The following HUNK variants were observed in gnomAD, a reference collection of about 807,000 sequenced individuals.
The protein encoded by HUNK is hormonally up-regulated neu tumor-associated kinase.
Under a neutral mutation model 61.0 loss-of-function variants are expected in HUNK, and 21 were observed. The ratio of observed to expected loss-of-function variants is 0.34; its 90% CI spans 0.24 to 0.50. The LOEUF (loss-of-function observed/expected upper bound fraction) is 0.50, where lower values mean the gene tolerates loss of function less well. Ranked by LOEUF, HUNK falls within the 20% of genes least tolerant of loss-of-function variation. The pLI, the probability that HUNK is intolerant of heterozygous loss-of-function variation, is 0.98. For missense variants in HUNK, 772 were observed against 945.7 expected, an observed-to-expected ratio of 0.82 and a Z score of 2.41; for synonymous variants, 371 against 386.1, an observed-to-expected ratio of 0.96 and a Z score of 0.46.
At chr21:31,917,373 A>G (rs749581418) in intron 1 of HUNK, among the ~76,000 whole-genome samples, 1 of 152,000 alleles carries the variant, frequency 6.6e-6, no homozygotes, top group Non-Finnish European at 1.5e-5. Context: ...TTGTGAGATG[A>G]GGTTTCGCCA....
chr21:31,896,429 G>A (rs2052425497), intron 1 of HUNK, among the ~76,000 whole-genome samples: 1 of 152,130 alleles, frequency 6.6e-6, no homozygotes, highest in African/African-American at 2.4e-5. Context: ...ACTAAACTCT[G>A]TTCTGTAACA....
At chr21:31,927,065 G>C (rs2052665849) in intron 2 of HUNK, among the ~76,000 whole-genome samples, 1 of 146,652 alleles carries the variant, frequency 6.8e-6, no homozygotes, top group African/African-American at 2.5e-5. Flanking sequence ...TTTTGAGATG[G>C]AGTCTCACTC....
At chr21:31,937,525 A>G (rs1346804933) in intron 2 of HUNK, among the ~76,000 whole-genome samples, 8 of 152,240 alleles carry the variant, frequency 5.3e-5, no homozygotes, top group Non-Finnish European at 8.8e-5. Flanking sequence ...TTTTAAAAAT[A>G]CTTTATCTCA....
rs542837921 is a variant in HUNK, at chr21:31,886,612, C to G, written c.261+12677C>G. On this transcript the variant is annotated intron_variant, in intron 1 of 10. Transcript: ENST00000270112. ...GCCCCATGAGGAAGAGACCACTGCT[C>G]TATTCCCCGTGCCAAGAATAGTTTC... Among the ~76,000 whole-genome samples the G allele has an allele frequency of 9.2e-5, 14 of 152,126 alleles. No homozygotes were observed. The South Asian group carries it at 1.5e-3, about 16-fold the overall frequency.
intron 1 of HUNK, among the ~76,000 whole-genome samples, chr21:31,878,967 C>T (rs536638202): frequency 6.6e-5 from 10 of 152,100 alleles, no homozygotes; most frequent in South Asian, 2.1e-4. Flanking sequence ...AATAATAAGC[C>T]GGCTTGTCAC....
At chr21:31,899,349 T>C (rs1305006161) in intron 1 of HUNK, among the ~76,000 whole-genome samples, 1 of 152,140 alleles carries the variant, frequency 6.6e-6, no homozygotes, top group Non-Finnish European at 1.5e-5. Flanking sequence ...TTCCTAGCTC[T>C]GGTGGTTGCC....
chr21:31,983,103 G>A (rs1438317850), intron 7 of HUNK, among the ~76,000 whole-genome samples: 2 of 152,168 alleles, frequency 1.3e-5, no homozygotes, highest in African/African-American at 4.8e-5. Context: ...GCACCCAGCC[G>A]TGTGCTGTTT....
intron 6 of HUNK, 56 bp downstream of exon 6, chr21:31,968,441 C>T: frequency 6.2e-7 from 1 of 1,601,326 alleles, no homozygotes; most frequent in Non-Finnish European, 8.5e-7. Flanking sequence ...GTCCTACTAG[C>T]CCTGAGCAGT....
In HUNK at chr21:31,985,974, G is replaced by T. The variant is rs182738825; in HGVS notation, c.1257+2365G>T. On this transcript the variant is annotated intron_variant, in intron 8 of 10. Transcript: ENST00000270112. ...CCTCAAGACAGGCTGTGGGGCTCGGGGAAGATGAGGATGGAGACAAGCCCT... is the reference window on the plus strand; with the variant it reads ...CCTCAAGACAGGCTGTGGGGCTCGGTGAAGATGAGGATGGAGACAAGCCCT... Among the ~76,000 whole-genome samples the T allele has an allele frequency of 2.3e-3, 350 of 152,244 alleles. 1 individual carries two copies. The highest frequency in any genetic ancestry group is 8.1e-3 in the African/African-American group (337 of 41,540).
chr21:32,002,173 A>G lies in HUNK; in HGVS notation c.*2989A>G, dbSNP rs1354219050. On this transcript the variant is annotated 3_prime_UTR_variant, in exon 11 of 11. Coordinates refer to ENST00000270112, the MANE Select transcript of HUNK (RefSeq NM_014586.2). Reference sequence around the variant, plus strand: ...ACAATCACAGTTCACTGCAGCCTCAACCTCTCCAGATTCAAGTGATCCTCC... The same window carrying G: ...ACAATCACAGTTCACTGCAGCCTCAGCCTCTCCAGATTCAAGTGATCCTCC... 2 of 152,318 alleles carry G rather than the reference A, an allele frequency of 1.3e-5. No individual in the cohort carries two copies. The highest frequency in any genetic ancestry group is 2.1e-4 in the South Asian group (1 of 4,820). The allele number at this position is 152,318 out of a possible 1,614,324, so 9.4% of individuals were successfully genotyped here. A position where few individuals can be genotyped will look rare whatever the true frequency, so the allele number is the denominator to read the frequency against.
intron 1 of HUNK, among the ~76,000 whole-genome samples, chr21:31,898,845 A>G (rs1214238850): frequency 6.6e-6 from 1 of 152,224 alleles, no homozygotes; most frequent in East Asian, 1.9e-4. Context: ...GAAGACTGAT[A>G]TGAAAGCAAA....
At chr21:31,943,491 A>G (rs1320049152) in intron 3 of HUNK, among the ~76,000 whole-genome samples, 1 of 152,264 alleles carries the variant, frequency 6.6e-6, no homozygotes, top group Non-Finnish European at 1.5e-5. Flanking sequence ...TTCCAATTAT[A>G]GGCAGATGTG....
At chr21:31,883,799 C>G (rs565135392) in intron 1 of HUNK, among the ~76,000 whole-genome samples, 9 of 152,190 alleles carry the variant, frequency 5.9e-5, no homozygotes, top group Non-Finnish European at 1.2e-4. Flanking sequence ...GTTGCCCACC[C>G]TTGTTGGCTC....
rs534611402 is a variant in HUNK, at chr21:31,931,630, C to A, written c.554+6870C>A. ...TGTCCTTACTCCCTTCCCCAGGCCC[C>A]CTTGCTTGGCTGCCTGTCTTTGCTC... On this transcript the variant is annotated intron_variant, in intron 2 of 10. Coordinates refer to ENST00000270112, the MANE Select transcript of HUNK (RefSeq NM_014586.2). Among the ~76,000 whole-genome samples the A allele has an allele frequency of 4.5e-4, 68 of 152,274 alleles. 1 individual carries two copies. The South Asian group carries it at 0.014, about 31-fold the overall frequency.
chr21:31,981,175 A>G (rs1196917467), intron 7 of HUNK, among the ~76,000 whole-genome samples: 1 of 152,080 alleles, frequency 6.6e-6, no homozygotes, highest in East Asian at 1.9e-4. Flanking sequence ...AAGTGCATGG[A>G]TTCATTTTTG....
At position 32,001,053 on chromosome 21, in the gene HUNK, C is replaced by T. The variant is rs1224891012; in HGVS notation, c.*1869C>T. The T allele has an allele frequency of 4.5e-6, 1 of 222,434 alleles. No homozygotes were observed. Among genetic ancestry groups the T allele is most frequent in the Non-Finnish European group, 8.7e-6 (1 of 114,772 alleles). 13.8% of individuals were successfully genotyped at this position (222,434 alleles called of 1,614,324 possible). On this transcript the variant is annotated 3_prime_UTR_variant, in exon 11 of 11. Coordinates refer to ENST00000270112, the MANE Select transcript of HUNK (RefSeq NM_014586.2). ...TTGGGAGGCCGAGGCAGGTGGATCG[C>T]TTGAGCTCAGGAGTTCGAGAGCAGC...
intron 4 of HUNK, among the ~76,000 whole-genome samples, chr21:31,956,503 C>T (rs1204782549): frequency 1.3e-5 from 2 of 152,160 alleles, no homozygotes; most frequent in African/African-American, 2.4e-5. Flanking sequence ...TTAGCTCTAC[C>T]TCAAACATAC....
chr21:31,911,027 G>A (rs992797765), intron 1 of HUNK, among the ~76,000 whole-genome samples: 3 of 152,178 alleles, frequency 2.0e-5, no homozygotes, highest in African/African-American at 7.2e-5. Flanking sequence ...ACCCATGGAA[G>A]GTCAACTGTA....
intron 5 of HUNK, 95 bp downstream of exon 5, chr21:31,959,065 G>A: frequency 1.6e-6 from 2 of 1,232,016 alleles, no homozygotes; most frequent in Non-Finnish European, 2.2e-6. Context: ...CAGTAATGGT[G>A]TTATGTCTAT....
Sources: allele counts gnomAD v4.1 joint callset (sites outside exome capture counted in the v4.1 genomes callset), GRCh38; gene constraint gnomAD v4.1.1; transcripts MANE v1.5; gene names NCBI Gene and HGNC (gene_info 2026-07-23, HGNC 2026-07-21).